ST6GALNAC5: variants seen among roughly 807,000 people sequenced by gnomAD.
ST6GALNAC5 encodes the protein ST6 N-acetylgalactosaminide alpha-2,6-sialyltransferase 5.
Under a neutral mutation model 33.6 loss-of-function variants are expected in ST6GALNAC5, and 27 were observed. The observed-to-expected ratio is 0.80, with a 90% CI of 0.59 to 1.11. ST6GALNAC5 has a LOEUF of 1.11. Among genes scored for constraint, ST6GALNAC5 ranks in the 50% least tolerant of loss-of-function variants. The pLI is 0.00. For synonymous variants in ST6GALNAC5, 194 were observed against 171.2 expected (o/e 1.13, Z -1.04); for missense variants, 428 against 454.0 (o/e 0.94, Z 0.52).
intron 2 of ST6GALNAC5, among the ~76,000 whole-genome samples, chr1:76,880,845 TTG>T (rs1653763642): frequency 6.6e-6 from 1 of 152,212 alleles, no homozygotes; most frequent in South Asian, 2.1e-4. Context: ...GTGGATATAA[TTG>T]TGTTGACCAC....
intron 2 of ST6GALNAC5, among the ~76,000 whole-genome samples, chr1:76,921,071 C>A (rs1647030254): frequency 6.6e-6 from 1 of 152,028 alleles, no homozygotes; most frequent in African/African-American, 2.4e-5. Flanking sequence ...GGAATTATGC[C>A]TGAGAGACTT....
intron 2 of ST6GALNAC5, among the ~76,000 whole-genome samples, chr1:76,909,714 C>A (rs1389941147): frequency 6.6e-6 from 1 of 151,810 alleles, no homozygotes; most frequent in Non-Finnish European, 1.5e-5. Flanking sequence ...ATAGAGTGCT[C>A]AAATGGATGA....
chr1:77,001,478 C>T (rs1277997943), intron 2 of ST6GALNAC5, among the ~76,000 whole-genome samples: 1 of 132,246 alleles, frequency 7.6e-6, no homozygotes, highest in East Asian at 2.3e-4. Flanking sequence ...ATTGAATACC[C>T]TTTATTTCCT....
chr1:76,976,041 G>A (rs980739926), intron 2 of ST6GALNAC5, among the ~76,000 whole-genome samples: 18 of 152,298 alleles, frequency 1.2e-4, no homozygotes, highest in Middle Eastern at 3.4e-3. Context: ...ACTGCAGTGA[G>A]TTGAGATTGC....
intron 2 of ST6GALNAC5, among the ~76,000 whole-genome samples, chr1:76,985,369 GACAA>G (rs1363641964): frequency 1.3e-5 from 2 of 151,802 alleles, no homozygotes; most frequent in Admixed American, 6.6e-5. Flanking sequence ...TACACTAACA[GACAA>G]ACAGAGAGCC....
At chr1:77,005,486 G>C (rs1650370039) in intron 2 of ST6GALNAC5, among the ~76,000 whole-genome samples, 1 of 152,214 alleles carries the variant, frequency 6.6e-6, no homozygotes, top group African/African-American at 2.4e-5. Flanking sequence ...GACCGGAGCT[G>C]TTCCTATTCA....
intron 2 of ST6GALNAC5, among the ~76,000 whole-genome samples, chr1:76,958,421 C>T (rs1277112913): frequency 3.9e-5 from 6 of 152,140 alleles, no homozygotes; most frequent in Admixed American, 2.0e-4. Context: ...TTTTGACTCT[C>T]ATTTTCTAAA....
At chr1:76,900,151 G>C (rs773491467) in intron 2 of ST6GALNAC5, among the ~76,000 whole-genome samples, 9 of 152,156 alleles carry the variant, frequency 5.9e-5, no homozygotes, top group Non-Finnish European at 1.0e-4. Flanking sequence ...TCAAAGGGGG[G>C]TTGTTCTCTG....
At chr1:77,031,244 G>T (rs1459636938) in intron 2 of ST6GALNAC5, among the ~76,000 whole-genome samples, 2 of 152,124 alleles carry the variant, frequency 1.3e-5, no homozygotes, top group African/African-American at 4.8e-5. Context: ...TTAGCTAATG[G>T]CTGCCTAGCT....
chr1:76,875,848 C>G (rs954494857), intron 2 of ST6GALNAC5, among the ~76,000 whole-genome samples: 1 of 151,928 alleles, frequency 6.6e-6, no homozygotes, highest in Non-Finnish European at 1.5e-5. Flanking sequence ...AGTACTGTCA[C>G]CTAGTTGGCA....
chr1:77,006,433 C>A (rs1650421589), intron 2 of ST6GALNAC5, among the ~76,000 whole-genome samples: 1 of 151,324 alleles, frequency 6.6e-6, no homozygotes, highest in Non-Finnish European at 1.5e-5. Flanking sequence ...CCTGCCTCCG[C>A]CTCCTGAGTA....
chr1:76,973,379 A>G (rs1648842910), intron 2 of ST6GALNAC5, among the ~76,000 whole-genome samples: 1 of 151,414 alleles, frequency 6.6e-6, no homozygotes, highest in South Asian at 2.1e-4. Flanking sequence ...AAGATTGTCT[A>G]CTGGCAGAAT....
chr1:76,896,526 G>A (rs1475536569), intron 2 of ST6GALNAC5, among the ~76,000 whole-genome samples: 1 of 152,076 alleles, frequency 6.6e-6, no homozygotes, highest in East Asian at 1.9e-4. Flanking sequence ...TAGGCCTGGT[G>A]GAACTGCCAT....
intron 2 of ST6GALNAC5, among the ~76,000 whole-genome samples, chr1:76,904,023 T>G (rs1289563690): frequency 6.6e-6 from 1 of 152,102 alleles, no homozygotes; most frequent in Non-Finnish European, 1.5e-5. Flanking sequence ...TTCCGTGAAT[T>G]TAGTGGGTGA....
intron 4 of ST6GALNAC5, among the ~76,000 whole-genome samples, chr1:77,060,603 A>G (rs746661279): frequency 3.9e-5 from 6 of 152,148 alleles, no homozygotes; most frequent in Non-Finnish European, 7.3e-5. Context: ...ACTCGCTTAC[A>G]TGAATAACTT....
chr1:77,018,576 G>A (rs901576606), intron 2 of ST6GALNAC5, among the ~76,000 whole-genome samples: 2 of 152,206 alleles, frequency 1.3e-5, no homozygotes, highest in Admixed American at 1.3e-4. Flanking sequence ...TCACTCCCAA[G>A]AGGCTGAAAC....
chr1:76,919,519 A>T (rs1012136440), intron 2 of ST6GALNAC5, among the ~76,000 whole-genome samples: 1 of 152,150 alleles, frequency 6.6e-6, no homozygotes, highest in Non-Finnish European at 1.5e-5. Context: ...TTAAAGGACA[A>T]GGTGCCTTTC....
At chr1:76,890,041 A>C (rs962838209) in intron 2 of ST6GALNAC5, among the ~76,000 whole-genome samples, 1 of 151,994 alleles carries the variant, frequency 6.6e-6, no homozygotes, top group African/African-American at 2.4e-5. Context: ...GTTTATCATC[A>C]CTCTACACTC....
chr1:77,036,936 GT>G (rs1651664802), intron 2 of ST6GALNAC5, among the ~76,000 whole-genome samples: 1 of 152,222 alleles, frequency 6.6e-6, no homozygotes, highest in African/African-American at 2.4e-5. Context: ...AAAGGGAACA[GT>G]TTAGATTGAG....
Sources: allele counts gnomAD v4.1 joint callset (sites outside exome capture counted in the v4.1 genomes callset), GRCh38; gene constraint gnomAD v4.1.1; transcripts MANE v1.5; gene names NCBI Gene and HGNC (gene_info 2026-07-23, HGNC 2026-07-21).